The following MTHFD1L variants were observed in gnomAD, a reference collection of about 807,000 sequenced individuals.
MTHFD1L encodes methylenetetrahydrofolate dehydrogenase (NADP+ dependent) 1 like, also known as monofunctional C1-tetrahydrofolate synthase, mitochondrial.
In MTHFD1L, 81 loss-of-function variants were observed where a neutral mutation model predicts 119.5. That is an observed-to-expected ratio of 0.68 (90% CI 0.57 to 0.82). The LOEUF is 0.82. MTHFD1L is among the 40% of genes least tolerant of loss of function. The probability of loss-of-function intolerance (pLI) is 0.00; values close to 1 mark genes in which losing one functional copy is unlikely to be tolerated. For missense variants in MTHFD1L, 1,125 were observed against 1,253.4 expected, an observed-to-expected ratio of 0.90 and a Z score of 1.55; for synonymous variants, 430 against 475.2, an observed-to-expected ratio of 0.90 and a Z score of 1.24.
chr6:150,875,829 AC>A (rs1780348918), intron 1 of MTHFD1L, among the ~76,000 whole-genome samples: 1 of 152,002 alleles, frequency 6.6e-6, no homozygotes, highest in Non-Finnish European at 1.5e-5. Context: ...AGAAAAATTC[AC>A]CCCTAGAAAA....
In MTHFD1L at chr6:150,911,386, CTCTCAAGAACACTG is replaced by C. The variant is rs550410401; in HGVS notation, c.892+5628_892+5641del. On this transcript the variant is annotated intron_variant, in intron 8 of 27. Coordinates refer to ENST00000367321, the MANE Select transcript of MTHFD1L (RefSeq NM_015440.5). ...CAAATAATTTAAACTAGGATTGCAA[CTCTCAAGAACACTG>C]TCACAAAAATTTTACCAAATGATAT... 1.2e-3 allele frequency among the ~76,000 whole-genome samples: 188 copies of C among 152,286 alleles called. 3 individuals carry two copies. The highest frequency in any genetic ancestry group is 1.7e-3 in the South Asian group (8 of 4,818).
At chr6:150,984,574 A>G (rs1182444657) in intron 20 of MTHFD1L, among the ~76,000 whole-genome samples, 1 of 151,410 alleles carries the variant, frequency 6.6e-6, no homozygotes, top group African/African-American at 2.4e-5. Context: ...AACAAGGGAA[A>G]AAAAAAAAAA....
chr6:150,947,505 G>A (rs1345219494), intron 15 of MTHFD1L, among the ~76,000 whole-genome samples: 2 of 152,054 alleles, frequency 1.3e-5, no homozygotes, highest in African/African-American at 2.4e-5. Flanking sequence ...GCCAAGACAA[G>A]AGGATTGCTT....
At chr6:151,021,305 T>TG (rs1783915520) in intron 24 of MTHFD1L, among the ~76,000 whole-genome samples, 2 of 152,058 alleles carry the variant, frequency 1.3e-5, no homozygotes, top group South Asian at 4.2e-4. Context: ...CCCAGCACCT[T>TG]GGGAGGCTGA....
At chr6:150,934,161 G>A (rs1260404093) in intron 11 of MTHFD1L, among the ~76,000 whole-genome samples, 1 of 152,198 alleles carries the variant, frequency 6.6e-6, no homozygotes, top group African/African-American at 2.4e-5. Flanking sequence ...TACTAGCTGT[G>A]TGACTGTCGG....
intron 20 of MTHFD1L, among the ~76,000 whole-genome samples, chr6:150,999,932 C>T (rs975045807): frequency 3.9e-5 from 6 of 152,210 alleles, no homozygotes; most frequent in Non-Finnish European, 2.9e-5. Flanking sequence ...TTCCCAAATA[C>T]GTCCCCAGTA....
intron 1 of MTHFD1L, among the ~76,000 whole-genome samples, chr6:150,872,488 A>C (rs1273731107): frequency 6.6e-6 from 1 of 152,188 alleles, no homozygotes; most frequent in Non-Finnish European, 1.5e-5. Flanking sequence ...AAGGGGGAAC[A>C]GCCAGTCCAG....
rs1253804177 is a variant in MTHFD1L, at chr6:150,944,554, C to T, written c.1509C>T (p.Ile503=). 3.7e-6 allele frequency: 6 copies of T among 1,613,904 alleles called. No homozygotes were observed. In the African/African-American group the frequency reaches 4.0e-5, roughly 11 times the overall value. ...TAANNLLAAA[I]DTRILHENTQ... ...CCAATAACTTGCTGGCTGCCGCCAT[C>T]GACACGAGGATTCTTCATGAAAACA... Residue 503 remains isoleucine (I), a synonymous_variant, in exon 14 of 28, where the codon ATC becomes ATT. Transcript: ENST00000367321.
At chr6:150,904,295 CTGTT>C (rs761494427) in intron 7 of MTHFD1L, among the ~76,000 whole-genome samples, 5 of 152,146 alleles carry the variant, frequency 3.3e-5, no homozygotes, top group Non-Finnish European at 5.9e-5. Context: ...GCCCCTCTGT[CTGTT>C]TGACCCCAGA....
At chr6:150,912,855 C>T in intron 8 of MTHFD1L, 1 of 250,780 alleles carries the variant, frequency 4.0e-6, no homozygotes, top group South Asian at 4.3e-5. Context: ...GACAACCTCC[C>T]AATGGAGTCC....
intron 19 of MTHFD1L, among the ~76,000 whole-genome samples, chr6:150,970,215 A>G (rs1001356377): frequency 6.6e-6 from 1 of 152,188 alleles, no homozygotes; most frequent in African/African-American, 2.4e-5. Context: ...ATATTGATTG[A>G]TTGATGCCGG....
At position 150,926,753 on chromosome 6, in the gene MTHFD1L, CT is replaced by C. The variant is rs1179725454; in HGVS notation, c.1256+459del. Among the ~76,000 whole-genome samples, 1 of 152,114 alleles carries C rather than the reference CT, an allele frequency of 6.6e-6. No individual in the cohort carries two copies. Among genetic ancestry groups the C allele is most frequent in the Non-Finnish European group, 1.5e-5 (1 of 68,034 alleles). On this transcript the variant is annotated intron_variant, in intron 11 of 27. Transcript: ENST00000367321. This position sits in a 1 kb window ranked among gnomAD's most constrained non-coding sequence, Gnocchi z 4.3. The stretch of plus-strand genomic sequence containing the variant: ...TACCTACATATTCACATTTCAAAAG[CT>C]CATTATTTCCCTTTTTCTGCATTTC...
At chr6:150,907,914 G>C (rs891852600) in intron 8 of MTHFD1L, among the ~76,000 whole-genome samples, 2 of 88,124 alleles carry the variant, frequency 2.3e-5, no homozygotes, top group South Asian at 7.2e-4. Flanking sequence ...TTTTTTTTTT[G>C]GAGACAGAGT....
At chr6:150,894,179 T>C (rs377267383) in intron 7 of MTHFD1L, among the ~76,000 whole-genome samples, 1 of 151,946 alleles carries the variant, frequency 6.6e-6, no homozygotes, top group African/African-American at 2.4e-5. Context: ...GAGGTTGCAG[T>C]GAGCTGAGAT....
intron 20 of MTHFD1L, among the ~76,000 whole-genome samples, chr6:151,001,242 A>T (rs781630941): frequency 2.6e-5 from 4 of 152,192 alleles, no homozygotes; most frequent in Non-Finnish European, 5.9e-5. Context: ...ATGAAATCCG[A>T]CAGTTCTAAT....
intron 26 of MTHFD1L, among the ~76,000 whole-genome samples, chr6:151,052,444 AC>A (rs1475383434): frequency 6.6e-6 from 1 of 152,188 alleles, no homozygotes; most frequent in African/African-American, 2.4e-5. Context: ...CAAAGGGCTC[AC>A]AGGTGCCAGG....
At chr6:151,094,847 T>G (rs1338318668) in intron 27 of MTHFD1L, among the ~76,000 whole-genome samples, 1 of 152,136 alleles carries the variant, frequency 6.6e-6, no homozygotes. Context: ...CCCAGCCTAA[T>G]TTTTGTATTT....
intron 26 of MTHFD1L, among the ~76,000 whole-genome samples, chr6:151,080,789 T>C (rs2128632378): frequency 6.6e-6 from 1 of 152,308 alleles, no homozygotes; most frequent in African/African-American, 2.4e-5. Flanking sequence ...CAGACAGCTG[T>C]CTTCCCTGTA....
intron 20 of MTHFD1L, among the ~76,000 whole-genome samples, chr6:150,999,521 G>A (rs1481611496): frequency 6.6e-6 from 1 of 152,060 alleles, no homozygotes. Flanking sequence ...AACTGTTCTT[G>A]TTCCCTACAA....
Sources: gnomAD v4.1 joint callset for allele counts (sites outside exome capture counted in the v4.1 genomes callset) on GRCh38, gnomAD v4.1.1 for gene constraint, Gnocchi (gnomAD v3.1) non-coding constraint, MANE v1.5 for transcripts, NCBI Gene and HGNC (gene_info 2026-07-23, HGNC 2026-07-21) for gene names.